The following STX17 variants were observed in gnomAD, a reference collection of about 807,000 sequenced individuals.
STX17 encodes the protein syntaxin 17.
A neutral mutation model predicts 35.9 loss-of-function variants in STX17; 29 were observed. The ratio of observed to expected loss-of-function variants is 0.81; its 90% CI spans 0.60 to 1.10. The LOEUF (loss-of-function observed/expected upper bound fraction) is 1.10. Among genes scored for constraint, STX17 ranks in the 50% least tolerant of loss-of-function variants. The pLI is 0.00. For missense variants in STX17, 312 were observed against 352.3 expected (o/e 0.89, Z 0.92); for synonymous variants, 92 against 118.3 (o/e 0.78, Z 1.44).
chr9:99,933,017 C>G (rs1195918388), intron 3 of STX17, among the ~76,000 whole-genome samples: 6 of 152,120 alleles, frequency 3.9e-5, no homozygotes, highest in African/African-American at 1.4e-4. Flanking sequence ...AAGAAATCCT[C>G]TCTTGGAGGA....
chr9:99,938,862 G>A (rs978996610), intron 3 of STX17, among the ~76,000 whole-genome samples: 4 of 75,338 alleles, frequency 5.3e-5, no homozygotes, highest in Non-Finnish European at 8.4e-5. Flanking sequence ...GGAAGCTATC[G>A]GCCTGAGATT....
intron 2 of STX17, among the ~76,000 whole-genome samples, chr9:99,924,421 A>G (rs1200988240): frequency 6.6e-6 from 1 of 151,960 alleles, no homozygotes; most frequent in Non-Finnish European, 1.5e-5. Flanking sequence ...TAATATTTAT[A>G]TAATCATAAT....
intron 6 of STX17, among the ~76,000 whole-genome samples, chr9:99,963,361 C>T (rs554430248): frequency 2.0e-5 from 3 of 152,268 alleles, no homozygotes; most frequent in Admixed American, 6.5e-5. Flanking sequence ...TAACAACTCA[C>T]CCTTGCTGCT....
At chr9:99,915,914 T>C in intron 2 of STX17, 1 of 396,002 alleles carries the variant, frequency 2.5e-6, no homozygotes, top group Admixed American at 3.0e-5. Context: ...ATAATTAAGA[T>C]ACAAATTGAT....
intron 3 of STX17, among the ~76,000 whole-genome samples, chr9:99,935,616 CAG>C (rs1039539050): frequency 7.5e-4 from 114 of 152,074 alleles, no homozygotes; most frequent in African/African-American, 2.5e-3. Context: ...GTGGAGAGAG[CAG>C]AGAGAGATTT....
At chr9:99,966,422 G>T (rs1829911125) in intron 6 of STX17, among the ~76,000 whole-genome samples, 1 of 152,168 alleles carries the variant, frequency 6.6e-6, no homozygotes, top group Non-Finnish European at 1.5e-5. Context: ...GTGTGGTTTG[G>T]GCTTCATGTT....
At chr9:99,942,949 C>A (rs1829396135) in intron 3 of STX17, among the ~76,000 whole-genome samples, 1 of 152,122 alleles carries the variant, frequency 6.6e-6, no homozygotes, top group Admixed American at 6.5e-5. Flanking sequence ...GTTTTGATAT[C>A]TAATAGAGGA....
At chr9:99,925,451 C>T (rs1333370339) in intron 2 of STX17, among the ~76,000 whole-genome samples, 3 of 152,112 alleles carry the variant, frequency 2.0e-5, no homozygotes, top group South Asian at 4.1e-4. Flanking sequence ...CAGTGCTCTT[C>T]GTTCATTTGT....
intron 3 of STX17, among the ~76,000 whole-genome samples, chr9:99,941,561 C>A (rs570060961): frequency 6.6e-6 from 1 of 152,132 alleles, no homozygotes; most frequent in African/African-American, 2.4e-5. Flanking sequence ...TGTATCACTA[C>A]TCAGATCAAG....
At chr9:99,951,393 C>A in intron 4 of STX17, 108 bp downstream of exon 4, 1 of 952,476 alleles carries the variant, frequency 1.0e-6, no homozygotes, top group Non-Finnish European at 1.6e-6. Context: ...AGACCATTCA[C>A]TATCCCAATA....
intron 2 of STX17, among the ~76,000 whole-genome samples, chr9:99,925,697 T>G (rs1828973068): frequency 6.6e-6 from 1 of 152,156 alleles, no homozygotes; most frequent in Non-Finnish European, 1.5e-5. Flanking sequence ...CTGGCTTGGA[T>G]TGTTTCTCAC....
chr9:99,956,926 A>G lies in STX17; in HGVS notation c.416-2991A>G, dbSNP rs72746338. Among the ~76,000 whole-genome samples the G allele has an allele frequency of 6.0e-3, 919 of 152,350 alleles. 7 individuals are homozygous for G. Among genetic ancestry groups the G allele is most frequent in the South Asian group, 0.025 (120 of 4,830 alleles). ...ATTGAGAGAACATGAACTTAGAGTTATAATTGCTTACTTTTAGGAGTAGAT... is the reference window on the plus strand; with the variant it reads ...ATTGAGAGAACATGAACTTAGAGTTGTAATTGCTTACTTTTAGGAGTAGAT... On this transcript the variant is annotated intron_variant, in intron 4 of 7. Coordinates refer to ENST00000259400, the MANE Select transcript of STX17 (RefSeq NM_017919.3).
Position 99,959,317 on chromosome 9 carries a change from A to G in STX17, c.416-600A>G, listed in dbSNP as rs142014177. 2.2e-3 allele frequency among the ~76,000 whole-genome samples: 338 copies of G among 152,204 alleles called. 1 individual carries two copies. The highest frequency in any genetic ancestry group is 7.7e-3 in the African/African-American group (319 of 41,522). ...TAGCATTTTGGGAAGCTGAGGCAGG[A>G]GGATCAGTTGAGGCCGGGAGTTCAA... On this transcript the variant is annotated intron_variant, in intron 4 of 7. Transcript: ENST00000259400.
chr9:99,964,145 T>A (rs1426559966), intron 6 of STX17, among the ~76,000 whole-genome samples: 1 of 152,174 alleles, frequency 6.6e-6, no homozygotes, highest in East Asian at 1.9e-4. Context: ...AATTTTTGAA[T>A]GTATTATTAT....
intron 1 of STX17, among the ~76,000 whole-genome samples, chr9:99,911,258 G>C (rs1408944311): frequency 6.6e-6 from 1 of 152,022 alleles, no homozygotes; most frequent in Non-Finnish European, 1.5e-5. Context: ...GGATGGTCTC[G>C]ATCTCCTGAC....
intron 3 of STX17, among the ~76,000 whole-genome samples, chr9:99,940,761 G>A (rs1343573763): frequency 2.0e-5 from 3 of 152,170 alleles, no homozygotes; most frequent in East Asian, 1.9e-4. Context: ...GATTACAGGC[G>A]TGAGCCACCG....
intron 2 of STX17, 113 bp downstream of exon 2, chr9:99,915,475 G>A: frequency 7.7e-7 from 1 of 1,292,980 alleles, no homozygotes; most frequent in Non-Finnish European, 1.0e-6. Context: ...GAAACACCTA[G>A]CTCCTATTGA....
intron 3 of STX17, among the ~76,000 whole-genome samples, chr9:99,933,007 A>G (rs1829156964): frequency 6.6e-6 from 1 of 152,148 alleles, no homozygotes; most frequent in South Asian, 2.1e-4. Flanking sequence ...CGGCTTGTTC[A>G]AGAAATCCTC....
intron 3 of STX17, among the ~76,000 whole-genome samples, chr9:99,930,964 T>C (rs180822741): frequency 6.6e-6 from 1 of 152,106 alleles, no homozygotes; most frequent in African/African-American, 2.4e-5. Context: ...TCCCAGTCTT[T>C]TGTTTTGTTT....
Sources: gnomAD v4.1 joint callset for allele counts (sites outside exome capture counted in the v4.1 genomes callset) on GRCh38, gnomAD v4.1.1 for gene constraint, MANE v1.5 for transcripts, NCBI Gene and HGNC (gene_info 2026-07-23, HGNC 2026-07-21) for gene names.